SH3BP2: variants seen among roughly 807,000 people sequenced by gnomAD.
The protein encoded by SH3BP2 is SH3 domain binding protein 2.
Under a neutral mutation model 56.2 loss-of-function variants are expected in SH3BP2, and 38 were observed. That is an observed-to-expected ratio of 0.68 (90% CI 0.52 to 0.89). The LOEUF (loss-of-function observed/expected upper bound fraction) is 0.89. Ranked by LOEUF, SH3BP2 falls within the 40% of genes least tolerant of loss-of-function variation. SH3BP2 has a pLI of 0.00. For missense variants in SH3BP2, 748 were observed against 762.6 expected (o/e 0.98, Z 0.23); for synonymous variants, 346 against 316.7 (o/e 1.09, Z -0.98).
At chr4:2,805,983 G>A (rs779191317) in intron 1 of SH3BP2, among the ~76,000 whole-genome samples, 2 of 152,188 alleles carry the variant, frequency 1.3e-5, no homozygotes, top group African/African-American at 2.4e-5. Context: ...GGAAAAGCAC[G>A]GCCGGACGCT....
chr4:2,829,692 G>A lies in SH3BP2; in HGVS notation c.786G>A (p.Arg262=). Reference sequence around the variant, plus strand: ...CCAAGAGGGACCCACTGTGCCCGAGGCGGGCTGAGCCTTGCCCCAGGGTAC... The same window carrying A: ...CCAAGAGGGACCCACTGTGCCCGAGACGGGCTGAGCCTTGCCCCAGGGTAC... ...EDSKRDPLCP[R]RAEPCPRVPA... The change falls in exon 8 of 13, where the codon AGG becomes AGA. Residue 262 remains arginine (R), a synonymous_variant. Transcript: ENST00000503393. This position sits in a 1 kb window ranked among gnomAD's most constrained non-coding sequence, Gnocchi z 4.9. The A allele has an allele frequency of 6.2e-7, 1 of 1,613,024 alleles. No individual in the cohort carries two copies. Among genetic ancestry groups the A allele is most frequent in the Non-Finnish European group, 8.5e-7 (1 of 1,179,850 alleles).
rs369562627 is a variant in SH3BP2 at position 2,833,035 on chromosome 4, C to T, written c.1534C>T (p.Arg512Cys). The T allele has an allele frequency of 2.2e-5, 35 of 1,614,076 alleles. No individual in the cohort carries two copies. The highest frequency in any genetic ancestry group is 2.9e-5 in the Non-Finnish European group (34 of 1,180,026). Residue 512 changes from arginine to cysteine, a missense_variant, in exon 12 of 13, where the codon CGC (arginine) becomes TGC (cysteine). By Grantham distance (180) the Arg-to-Cys change is radical (BLOSUM62 -3). Around this residue, in one of 3 missense-constraint regions of SH3BP2, gnomAD observed 635 missense variants for 615.0 expected, o/e 1.03. Coordinates refer to ENST00000503393, the MANE Select transcript of SH3BP2 (RefSeq NM_001122681.2). ...AACCTCTAACAAAGTGAGGAACTAT[C>T]GCATTTTTGAGAAGGTGAGAGGGCT... ...DETSNKVRNY[R>C]IFEKDSKFYL...
At chr4:2,805,010 T>G (rs982408521) in intron 1 of SH3BP2, among the ~76,000 whole-genome samples, 1 of 152,192 alleles carries the variant, frequency 6.6e-6, no homozygotes, top group African/African-American at 2.4e-5. Flanking sequence ...TGCCCCTCCC[T>G]TGGTCCAGCA....
Position 2,840,234 on chromosome 4 carries a change from CAAAAAAAAAAA to C in SH3BP2, c.*6410_*6420del, listed in dbSNP as rs568332811. The C allele has an allele frequency of 1.2e-5, 1 of 82,828 alleles. No individual in the cohort carries two copies. The highest frequency in any genetic ancestry group is 3.4e-4 in the East Asian group (1 of 2,958). The allele number at this position is 82,828 out of a possible 1,614,324, so 5.1% of individuals were successfully genotyped here. On this transcript the variant is annotated 3_prime_UTR_variant, in exon 13 of 13. Coordinates refer to ENST00000503393, the MANE Select transcript of SH3BP2 (RefSeq NM_001122681.2). ...AGTGAGACCCTATCTCAAAAAAAAC[CAAAAAAAAAAA>C]AAAAAAAAAGAAAACCACTGAAATT...
In SH3BP2 at chr4:2,833,843, C is replaced by G. The variant is rs1217087559; in HGVS notation, c.*9C>G. 6.4e-7 allele frequency: 1 copy of G among 1,557,326 alleles called. No homozygotes were observed. Among genetic ancestry groups the G allele is most frequent in the Non-Finnish European group, 8.7e-7 (1 of 1,152,382 alleles). ...ACACTGGGCCTAGGTGATGGCAGTCCATGTGGCTGCCAGGCCAAGGCAGTC... is the reference window on the plus strand; with the variant it reads ...ACACTGGGCCTAGGTGATGGCAGTCGATGTGGCTGCCAGGCCAAGGCAGTC... On this transcript the variant is annotated 3_prime_UTR_variant, in exon 13 of 13. Coordinates refer to ENST00000503393, the MANE Select transcript of SH3BP2 (RefSeq NM_001122681.2).
rs1441732611 is a variant in SH3BP2 at position 2,837,727 on chromosome 4, C to G, written c.*3893C>G. 1.3e-5 allele frequency: 2 copies of G among 152,500 alleles called. No individual in the cohort carries two copies. The highest frequency in any genetic ancestry group is 2.9e-5 in the Non-Finnish European group (2 of 68,250). 9.4% of individuals were successfully genotyped at this position (152,500 alleles called of 1,614,324 possible). On this transcript the variant is annotated 3_prime_UTR_variant, in exon 13 of 13. Transcript: ENST00000503393. ...TGTGACCCAGCAGCATCAAGCCCCTCGCTGGGCACCTCGCACACACCCCCT... is the reference window on the plus strand; with the variant it reads ...TGTGACCCAGCAGCATCAAGCCCCTGGCTGGGCACCTCGCACACACCCCCT...
rs114026435 is a variant in SH3BP2, at chr4:2,827,379, C to T, written c.517+61C>T. On this transcript the variant is annotated intron_variant, in intron 6 of 12. Coordinates refer to ENST00000503393, the MANE Select transcript of SH3BP2 (RefSeq NM_001122681.2). ...TCTCCCCACCTGGCCTCCTCTTGGC[C>T]GCTGTGGAGGAGAGGGAGGTGTGTT... 2.0e-3 allele frequency: 2,933 copies of T among 1,480,424 alleles called. 52 individuals are homozygous for T. In the African/African-American group the frequency reaches 0.034, roughly 17 times the overall value. The allele number at this position is 1,480,424 out of a possible 1,614,324, so 91.7% of individuals were successfully genotyped here. A position where few individuals can be genotyped will look rare whatever the true frequency, so the allele number is the denominator to read the frequency against.
intron 1 of SH3BP2, among the ~76,000 whole-genome samples, chr4:2,800,927 C>T (rs1019036843): frequency 2.0e-5 from 3 of 152,102 alleles, no homozygotes; most frequent in Non-Finnish European, 2.9e-5. Context: ...TGAGGCTGAG[C>T]GGAGCTGTCT....
chr4:2,821,093 C>T (rs954168093), intron 2 of SH3BP2, among the ~76,000 whole-genome samples: 2 of 152,194 alleles, frequency 1.3e-5, no homozygotes, highest in African/African-American at 4.8e-5. Context: ...TTGGTCACTT[C>T]GCCCACAGTG....
chr4:2,805,201 C>A (rs922150914), intron 1 of SH3BP2, among the ~76,000 whole-genome samples: 1 of 152,204 alleles, frequency 6.6e-6, no homozygotes, highest in African/African-American at 2.4e-5. Flanking sequence ...CTAAGCACAC[C>A]CCCTGGGCCC....
chr4:2,832,266 C>T (rs191025573), intron 10 of SH3BP2, 65 bp from the exon 11 acceptor site: 93 of 1,338,244 alleles, frequency 6.9e-5, no homozygotes, highest in East Asian at 6.7e-4. Flanking sequence ...GGGAGCGGGG[C>T]GGGAAGGTCC....
In SH3BP2 at chr4:2,831,956, A is replaced by G; in HGVS notation, c.1384A>G (p.Thr462Ala). 1.2e-6 allele frequency: 2 copies of G among 1,613,022 alleles called. No homozygotes were observed. The highest frequency in any genetic ancestry group is 2.2e-5 in the South Asian group (2 of 91,088). Residue 462 changes from threonine to alanine, a missense_variant, in exon 10 of 13, where the codon ACG (threonine) becomes GCG (alanine). Physicochemically the swap from Thr to Ala is moderately conservative, Grantham distance 58 (BLOSUM62 0). This residue lies in a region of SH3BP2 where 635 missense variants were observed against 615.0 expected (regional missense o/e 1.03). Coordinates refer to ENST00000503393, the MANE Select transcript of SH3BP2 (RefSeq NM_001122681.2). The surrounding 1 kb of genome is among the most constrained non-coding windows in gnomAD (Gnocchi z 4.1). The part of the protein sequence containing the change: ...PLPNSVFVNT[T>A]ESCEVERLFK... ...GCCCAACTCGGTCTTCGTCAACACC[A>G]CGGAGTCCTGCGAAGTGGAAAGGTC...
At chr4:2,825,279 G>A (rs1577360450) in intron 5 of SH3BP2, 83 bp downstream of exon 5, 5 of 1,165,814 alleles carry the variant, frequency 4.3e-6, no homozygotes, top group African/African-American at 1.5e-5. Flanking sequence ...TCCCAGCCCC[G>A]GGCTTGGCAT....
chr4:2,794,200 C>A (rs1722988106), intron 1 of SH3BP2: 1 of 152,306 alleles, frequency 6.6e-6, no homozygotes, highest in African/African-American at 2.4e-5. Flanking sequence ...AGAATTGTTT[C>A]CACAACCGCC....
intron 1 of SH3BP2, among the ~76,000 whole-genome samples, chr4:2,796,863 G>C (rs894418738): frequency 3.3e-5 from 5 of 152,244 alleles, no homozygotes; most frequent in Non-Finnish European, 7.3e-5. Flanking sequence ...AGGCCGCGAG[G>C]CAGGGGCCGA....
chr4:2,828,087 C>T (rs1174003692), intron 7 of SH3BP2, among the ~76,000 whole-genome samples: 1 of 151,940 alleles, frequency 6.6e-6, no homozygotes, highest in Admixed American at 6.5e-5. Context: ...CCACCTACCT[C>T]CTGCAGCACA....
intron 3 of SH3BP2, chr4:2,823,411 C>G (rs1473487906): frequency 6.5e-6 from 3 of 463,048 alleles, no homozygotes; most frequent in African/African-American, 6.0e-5. Flanking sequence ...CAGACCCCAG[C>G]CAGCCCAGGC....
chr4:2,813,295 G>T (rs986462577), intron 1 of SH3BP2, among the ~76,000 whole-genome samples: 1 of 152,236 alleles, frequency 6.6e-6, no homozygotes, highest in Non-Finnish European at 1.5e-5. Flanking sequence ...CGGGGGTGGT[G>T]CGTGAGCCAC....
At chr4:2,799,649 C>T (rs536560001) in intron 1 of SH3BP2, among the ~76,000 whole-genome samples, 1 of 152,298 alleles carries the variant, frequency 6.6e-6, no homozygotes, top group South Asian at 2.1e-4. Context: ...GGGCTGGTGT[C>T]CTGAGAAGCA....
Sources: allele counts gnomAD v4.1 joint callset (sites outside exome capture counted in the v4.1 genomes callset), GRCh38; gene constraint gnomAD v4.1.1; regional missense constraint gnomAD v4.1.1; non-coding constraint Gnocchi (gnomAD v3.1); transcripts MANE v1.5; gene names NCBI Gene and HGNC (gene_info 2026-07-23, HGNC 2026-07-21).